Variants in FCAR observed in about 807,000 individuals in gnomAD.
FCAR encodes immunoglobulin alpha Fc receptor.
Under a neutral mutation model 27.1 loss-of-function variants are expected in FCAR, and 21 were observed. That is an observed-to-expected ratio of 0.77 (90% CI 0.55 to 1.11). The LOEUF is 1.11. Ranked by LOEUF, FCAR falls within the 50% of genes most tolerant of loss-of-function variation. The pLI, the probability that FCAR is intolerant of heterozygous loss-of-function variation, is 0.00. For synonymous variants in FCAR, 134 were observed against 135.8 expected, an observed-to-expected ratio of 0.99 and a Z score of 0.09; for missense variants, 404 against 358.4, an observed-to-expected ratio of 1.13 and a Z score of -1.03.
In FCAR at chr19:54,875,301, T is replaced by C. The variant is rs746861847; in HGVS notation, c.35-29T>C. ...TGTCGTAAAGGTTGGAAATGGAAGCTTGATTTTTCATAAATCTCTCTCTTC... is the reference window on the plus strand; with the variant it reads ...TGTCGTAAAGGTTGGAAATGGAAGCCTGATTTTTCATAAATCTCTCTCTTC... On this transcript the variant is annotated intron_variant, in intron 1 of 4. Transcript: ENST00000355524. 1.5e-5 allele frequency: 24 copies of C among 1,610,954 alleles called. No homozygotes were observed. The East Asian group carries it at 5.4e-4, about 36-fold the overall frequency.
At chr19:54,886,064 C>G (rs1039693307) in intron 3 of FCAR, among the ~76,000 whole-genome samples, 2 of 151,944 alleles carry the variant, frequency 1.3e-5, no homozygotes, top group Non-Finnish European at 2.9e-5. Context: ...CTGGCCAACA[C>G]AGTGAAACCT....
intron 2 of FCAR, among the ~76,000 whole-genome samples, chr19:54,876,611 G>T (rs2066102415): frequency 6.6e-6 from 1 of 152,044 alleles, no homozygotes; most frequent in Admixed American, 6.6e-5. Context: ...TTTATGTGAT[G>T]AATCATATTT....
chr19:54,886,183 G>C (rs1358294536), intron 3 of FCAR, among the ~76,000 whole-genome samples: 3 of 151,612 alleles, frequency 2.0e-5, no homozygotes, highest in Admixed American at 2.0e-4. Context: ...AGGAGGCAGA[G>C]GTTGCAGTGA....
intron 2 of FCAR, among the ~76,000 whole-genome samples, chr19:54,881,688 T>G (rs1269833932): frequency 6.6e-6 from 1 of 151,884 alleles, no homozygotes. Flanking sequence ...CTGGCTAATC[T>G]GGTGAAACCC....
At chr19:54,881,663 G>A (rs61698233) in intron 2 of FCAR, among the ~76,000 whole-genome samples, 2 of 151,936 alleles carry the variant, frequency 1.3e-5, no homozygotes, top group East Asian at 1.9e-4. Context: ...ACGAGGTCGG[G>A]AGATCGAGAC....
Position 54,885,247 on chromosome 19 carries a change from T to A in FCAR, c.83T>A (p.Met28Lys), listed in dbSNP as rs1294421849. The change falls in exon 3 of 5, where the codon ATG becomes AAG. Residue 28 changes from methionine to lysine, a missense_variant. Physicochemically the swap from Met to Lys is moderately conservative, Grantham distance 95. Transcript: ENST00000355524. ...RIQAQEGDFP[M>K]PFISAKSSPV... Reference sequence around the variant, plus strand: ...TCTTTTCTTCCAGGGGACTTTCCCATGCCTTTCATATCTGCCAAATCGAGT... The same window carrying A: ...TCTTTTCTTCCAGGGGACTTTCCCAAGCCTTTCATATCTGCCAAATCGAGT... 1.9e-6 allele frequency: 3 copies of A among 1,612,942 alleles called. No homozygotes were observed. The Admixed American group carries it at 5.0e-5, about 27-fold the overall frequency.
intron 2 of FCAR, among the ~76,000 whole-genome samples, chr19:54,879,775 C>T (rs2066307336): frequency 6.6e-6 from 1 of 151,970 alleles, no homozygotes; most frequent in African/African-American, 2.4e-5. Context: ...GCTCCGCCTC[C>T]CGGATTCACG....
chr19:54,886,689 C>T (rs1384867836), intron 3 of FCAR, among the ~76,000 whole-genome samples: 2 of 151,990 alleles, frequency 1.3e-5, no homozygotes, highest in Admixed American at 6.6e-5. Flanking sequence ...CCACCGTGCC[C>T]GGCAGGTGTC....
chr19:54,888,796 G>A (rs587768068), intron 4 of FCAR: 16 of 994,608 alleles, frequency 1.6e-5, no homozygotes, highest in Admixed American at 5.6e-5. Flanking sequence ...GTGAGCCACC[G>A]CGCCTGGCCA....
chr19:54,877,042 A>T (rs1337795801), intron 2 of FCAR, among the ~76,000 whole-genome samples: 1 of 152,094 alleles, frequency 6.6e-6, no homozygotes, highest in African/African-American at 2.4e-5. Flanking sequence ...TTCAACAAGG[A>T]TATTGTCCTG....
chr19:54,880,315 G>A (rs190194538), intron 2 of FCAR, among the ~76,000 whole-genome samples: 42 of 152,202 alleles, frequency 2.8e-4, no homozygotes, highest in Middle Eastern at 6.8e-3. Context: ...TTCATGCTCT[G>A]AGATTCTTTC....
Position 54,885,338 on chromosome 19 carries a change from C to G in FCAR, c.174C>G (p.Thr58=). Residue 58 remains threonine, a synonymous_variant, in exon 3 of 5, where the codon ACC becomes ACG. Coordinates refer to ENST00000355524, the MANE Select transcript of FCAR (RefSeq NM_002000.4). ...AGGCCATTCGTGAAGCTTACCTGAC[C>G]CAGCTGATGATCATAAAAAACTCCA... The part of the protein sequence containing the change: ...QCQAIREAYL[T]QLMIIKNSTY... 6.2e-7 allele frequency: 1 copy of G among 1,613,934 alleles called. No individual in the cohort carries two copies. The highest frequency in any genetic ancestry group is 8.5e-7 in the Non-Finnish European group (1 of 1,179,970).
intron 2 of FCAR, among the ~76,000 whole-genome samples, chr19:54,878,816 T>A (rs888328226): frequency 1.3e-5 from 2 of 149,718 alleles, no homozygotes; most frequent in Non-Finnish European, 3.0e-5. Context: ...ACTTTGAGCC[T>A]ATGGATGTCA....
chr19:54,881,861 A>G (rs1401392866), intron 2 of FCAR, among the ~76,000 whole-genome samples: 1 of 147,464 alleles, frequency 6.8e-6, no homozygotes, highest in African/African-American at 2.5e-5. Context: ...AGCGTGGGCG[A>G]CAGAGCGAGA....
intron 2 of FCAR, among the ~76,000 whole-genome samples, chr19:54,881,168 T>C (rs1274617287): frequency 6.6e-6 from 1 of 152,156 alleles, no homozygotes; most frequent in Non-Finnish European, 1.5e-5. Context: ...GGAGCCACTA[T>C]CAGTGCGATG....
rs994239757 is a variant in FCAR at position 54,891,264 on chromosome 19, A to T, written c.*1401A>T. ...CATTGTCCAGTAGCTTATGTATGAA[A>T]ATATAATTATAAAATGTAAGGGTCC... On this transcript the variant is annotated 3_prime_UTR_variant, in exon 5 of 5. Transcript: ENST00000355524. The T allele has an allele frequency of 2.6e-5, 4 of 152,162 alleles. No individual in the cohort carries two copies. Among genetic ancestry groups the T allele is most frequent in the Non-Finnish European group, 5.9e-5 (4 of 68,030 alleles). The allele number at this position is 152,162 out of a possible 1,614,324, so 9.4% of individuals were successfully genotyped here.
At chr19:54,889,252 A>C (rs1189996310) in intron 4 of FCAR, among the ~76,000 whole-genome samples, 1 of 149,246 alleles carries the variant, frequency 6.7e-6, no homozygotes, top group East Asian at 2.0e-4. Context: ...GGGCGCCTGT[A>C]ATCCCAGCTA....
In FCAR at chr19:54,879,410, C is replaced by T. The variant is rs587650770; in HGVS notation, c.70+4045C>T. On this transcript the variant is annotated intron_variant, in intron 2 of 4. Transcript: ENST00000355524. ...TCTTTTCTTTCCATATTTAGCGTTC[C>T]TCTTAGGACCTCTTGTAAGGCAGGC... Among the ~76,000 whole-genome samples the T allele has an allele frequency of 2.0e-5, 3 of 152,216 alleles. No homozygotes were observed. The East Asian group carries it at 5.8e-4, about 29-fold the overall frequency.
At chr19:54,881,655 G>A (rs1204432675) in intron 2 of FCAR, among the ~76,000 whole-genome samples, 2 of 152,018 alleles carry the variant, frequency 1.3e-5, no homozygotes, top group Non-Finnish European at 2.9e-5. Flanking sequence ...GGCGGATCAC[G>A]AGGTCGGGAG....
Sources: gnomAD v4.1 joint callset for allele counts (sites outside exome capture counted in the v4.1 genomes callset) on GRCh38, gnomAD v4.1.1 for gene constraint, MANE v1.5 for transcripts, NCBI Gene and HGNC (gene_info 2026-07-23, HGNC 2026-07-21) for gene names.